Variants in CLEC12B observed in about 807,000 individuals in gnomAD.
The protein encoded by CLEC12B is C-type lectin domain family 12 member B.
CLEC12B carries 25 observed loss-of-function variants against 36.1 expected under a neutral mutation model. The observed-to-expected ratio is 0.69, with a 90% CI of 0.50 to 0.97. CLEC12B has a LOEUF of 0.97. Ranked by LOEUF, CLEC12B falls within the 50% of genes least tolerant of loss-of-function variation. The pLI, the probability that CLEC12B is intolerant of heterozygous loss-of-function variation, is 0.00. For synonymous variants in CLEC12B, 110 were observed against 108.5 expected, an observed-to-expected ratio of 1.01 and a Z score of -0.09; for missense variants, 325 against 318.4, an observed-to-expected ratio of 1.02 and a Z score of -0.16.
chr12:10,014,819 G>A (rs1418685226), intron 3 of CLEC12B, 78 bp downstream of exon 3: 2 of 901,502 alleles, frequency 2.2e-6, no homozygotes, highest in Non-Finnish European at 3.6e-6. Flanking sequence ...TACCACCTAA[G>A]AGTATTGAGA....
upstream of CLEC12B, among the ~76,000 whole-genome samples, chr12:10,009,681 C>T (rs1865278575): frequency 6.6e-6 from 1 of 152,206 alleles, no homozygotes; most frequent in Admixed American, 6.5e-5. Flanking sequence ...TGCTTCACAG[C>T]TGTGGGGTGA....
At chr12:10,007,819 AG>A (rs778488291), upstream of CLEC12B, among the ~76,000 whole-genome samples, 59 of 152,338 alleles carry the variant, frequency 3.9e-4, no homozygotes, top group Non-Finnish European at 7.1e-4. Flanking sequence ...GAGGTAAGCA[AG>A]GAAGTTGTAG....
chr12:10,018,244 A>G, intron 5 of CLEC12B, 87 bp from the exon 6 acceptor site: 1 of 816,608 alleles, frequency 1.2e-6, no homozygotes, highest in Non-Finnish European at 1.8e-6. Flanking sequence ...CAGATACATG[A>G]CATTGGCTGT....
chr12:10,017,936 A>C, intron 5 of CLEC12B: 1 of 955,450 alleles, frequency 1.0e-6, no homozygotes, highest in Non-Finnish European at 1.2e-6. Context: ...AAAATGTGAT[A>C]ACTTTTTACA....
At chr12:10,018,184 A>T in intron 5 of CLEC12B, 147 bp from the exon 6 acceptor site, 1 of 645,362 alleles carries the variant, frequency 1.5e-6, no homozygotes, top group Non-Finnish European at 2.3e-6. Context: ...TGCCAGCTTT[A>T]GGCAGCTTCA....
In CLEC12B at chr12:10,018,330, G is replaced by A; in HGVS notation, c.681-1G>A. ...ATAATTAATTTTAAATTAATTTTCAGATTTAGTACTAAAGAACTTGACCAG... is the reference window on the plus strand; with the variant it reads ...ATAATTAATTTTAAATTAATTTTCAAATTTAGTACTAAAGAACTTGACCAG... On this transcript the variant is annotated splice_acceptor_variant, in intron 5 of 5. Coordinates refer to ENST00000338896, the MANE Select transcript of CLEC12B (RefSeq NM_001129998.3). LOFTEE classifies it high-confidence loss of function. 1 of 1,430,826 alleles carries A rather than the reference G, an allele frequency of 7.0e-7. No individual in the cohort carries two copies. The highest frequency in any genetic ancestry group is 9.4e-7 in the Non-Finnish European group (1 of 1,058,614). 88.6% of individuals were successfully genotyped at this position (1,430,826 alleles called of 1,614,324 possible). A position where few individuals can be genotyped will look rare whatever the true frequency, so the allele number is the denominator to read the frequency against.
At chr12:10,014,089 C>CT (rs1455752744) in intron 2 of CLEC12B, among the ~76,000 whole-genome samples, 1 of 152,130 alleles carries the variant, frequency 6.6e-6, no homozygotes, top group Non-Finnish European at 1.5e-5. Flanking sequence ...TTAAGATCTG[C>CT]TTTTTCTTTT....
At position 10,018,509 on chromosome 12, in the gene CLEC12B, T is replaced by TA; in HGVS notation, c.*30dup. The TA allele has an allele frequency of 6.5e-7, 1 of 1,540,080 alleles. No homozygotes were observed. Among genetic ancestry groups the TA allele is most frequent in the Non-Finnish European group, 8.8e-7 (1 of 1,141,198 alleles). ...TGCTTCTTCCAAATTCTCCAAGAAGTAAGAGACTTGTGAGTAAGCTCATAT... is the reference window on the plus strand; with the variant it reads ...TGCTTCTTCCAAATTCTCCAAGAAGTAAAGAGACTTGTGAGTAAGCTCATAT... On this transcript the variant is annotated 3_prime_UTR_variant, in exon 6 of 6. Transcript: ENST00000338896.
chr12:10,015,195 T>C, intron 3 of CLEC12B, 57 bp from the exon 4 acceptor site: 1 of 1,421,010 alleles, frequency 7.0e-7, no homozygotes, highest in Non-Finnish European at 9.7e-7. Context: ...TTTCAAAGCC[T>C]TCTCCAGTCA....
At chr12:10,007,301 G>GA (rs537394218), upstream of CLEC12B, among the ~76,000 whole-genome samples, 78 of 151,674 alleles carry the variant, frequency 5.1e-4, 1 homozygote, top group South Asian at 0.015. Flanking sequence ...AAGTAGAGAT[G>GA]AAAAAAATGG....
chr12:10,012,508 G>A (rs541170484), intron 1 of CLEC12B, among the ~76,000 whole-genome samples: 1 of 151,928 alleles, frequency 6.6e-6, no homozygotes, highest in Admixed American at 6.6e-5. Context: ...CCATTAACTC[G>A]TCATTTAGCA....
intron 5 of CLEC12B, chr12:10,016,896 A>G: frequency 1.4e-6 from 1 of 716,572 alleles, no homozygotes; most frequent in Non-Finnish European, 1.7e-6. Context: ...GAATATTTGT[A>G]TTCATAATGG....
intron 1 of CLEC12B, 92 bp downstream of exon 1, chr12:10,010,942 C>T (rs1865313816): frequency 2.7e-6 from 2 of 744,828 alleles, no homozygotes; most frequent in African/African-American, 1.8e-5. Context: ...GCGTTAAAGA[C>T]ATGTGCTGTG....
At chr12:10,015,992 T>TA in intron 5 of CLEC12B, 1 of 1,160,946 alleles carries the variant, frequency 8.6e-7, no homozygotes, top group Non-Finnish European at 1.1e-6. Flanking sequence ...AAGTATTTTA[T>TA]AAATACTAAC....
Position 10,012,274 on chromosome 12 carries a change from C to T in CLEC12B, c.92-511C>T, listed in dbSNP as rs534563781. Among the ~76,000 whole-genome samples, 6 of 152,272 alleles carry T rather than the reference C, an allele frequency of 3.9e-5. No individual in the cohort carries two copies. The South Asian group carries it at 1.2e-3, about 32-fold the overall frequency. On this transcript the variant is annotated intron_variant, in intron 1 of 5. Transcript: ENST00000338896. ...TTTTGAGCTCAAAAGCTTGAGGTGT[C>T]TCCTACTGTCAGCATCATCCAGAAA...
At chr12:10,010,623 C>G (rs1865302576), upstream of CLEC12B, 7 of 548,722 alleles carry the variant, frequency 1.3e-5, no homozygotes, top group African/African-American at 3.8e-5. Flanking sequence ...TCTTCTCTTA[C>G]AGAGGGGCAG....
At chr12:10,010,431 C>T (rs376537525), upstream of CLEC12B, among the ~76,000 whole-genome samples, 7 of 152,216 alleles carry the variant, frequency 4.6e-5, no homozygotes, top group Admixed American at 4.6e-4. Flanking sequence ...TCCTCTACCC[C>T]GAGGATCATG....
At chr12:10,010,945 G>A (rs981559374) in intron 1 of CLEC12B, 95 bp downstream of exon 1, 1 of 730,034 alleles carries the variant, frequency 1.4e-6, no homozygotes, top group African/African-American at 1.8e-5. Context: ...TTAAAGACAT[G>A]TGCTGTGAAA....
At chr12:10,017,069 A>T in intron 5 of CLEC12B, 1 of 985,356 alleles carries the variant, frequency 1.0e-6, no homozygotes, top group Non-Finnish European at 1.2e-6. Flanking sequence ...TCCTTAAATC[A>T]CAAACAATGG....
Sources: allele counts gnomAD v4.1 joint callset (sites outside exome capture counted in the v4.1 genomes callset), GRCh38; gene constraint gnomAD v4.1.1; transcripts MANE v1.5; gene names NCBI Gene and HGNC (gene_info 2026-07-23, HGNC 2026-07-21).